The following KCNAB1 variants were observed in gnomAD, a reference collection of about 807,000 sequenced individuals.
KCNAB1 encodes the protein voltage-gated potassium channel subunit beta-1.
Under a neutral mutation model 64.6 loss-of-function variants are expected in KCNAB1, and 35 were observed. The observed-to-expected ratio is 0.54, with a 90% CI of 0.41 to 0.72. The LOEUF is 0.72. KCNAB1 is among the 30% of genes least tolerant of loss of function. KCNAB1 has a pLI of 0.00. For synonymous variants in KCNAB1, 177 were observed against 183.8 expected (o/e 0.96, Z 0.30); for missense variants, 401 against 512.9 (o/e 0.78, Z 2.11).
At chr3:156,535,585 C>A (rs75861595) in intron 13 of KCNAB1, among the ~76,000 whole-genome samples, 19,146 of 152,152 alleles carry the variant, frequency 0.13, 1,280 homozygotes, top group East Asian at 0.26. Context: ...TCCACAGGCA[C>A]TTTACACTCA....
At chr3:156,448,418 A>G (rs1299918820) in intron 2 of KCNAB1, among the ~76,000 whole-genome samples, 2 of 152,190 alleles carry the variant, frequency 1.3e-5, no homozygotes, top group African/African-American at 2.4e-5. Context: ...AGCACAGTGG[A>G]AAATAAAATC....
intron 1 of KCNAB1, among the ~76,000 whole-genome samples, chr3:156,386,466 T>A (rs1340748851): frequency 6.6e-6 from 1 of 152,168 alleles, no homozygotes; most frequent in Non-Finnish European, 1.5e-5. Context: ...GGAAGTTGCA[T>A]CTCTCTGGCA....
chr3:156,209,252 G>T (rs190925925), intron 1 of KCNAB1, among the ~76,000 whole-genome samples: 1 of 152,304 alleles, frequency 6.6e-6, no homozygotes, highest in African/African-American at 2.4e-5. Context: ...TTGAGCTGGA[G>T]TTGGATTAGG....
At chr3:156,174,941 ATTC>A (rs1216096013) in intron 1 of KCNAB1, among the ~76,000 whole-genome samples, 1 of 152,228 alleles carries the variant, frequency 6.6e-6, no homozygotes, top group Non-Finnish European at 1.5e-5. Context: ...TACAAGTGGA[ATTC>A]TTCAGGGAAA....
chr3:156,518,010 A>G lies in KCNAB1; in HGVS notation c.960+1646A>G, dbSNP rs77324953. Reference sequence around the variant, plus strand: ...TTTAAAGGAGGAAGAAGTAGCTATGATGTATTTGGAGTGCATGATTGTCTA... The same window carrying G: ...TTTAAAGGAGGAAGAAGTAGCTATGGTGTATTTGGAGTGCATGATTGTCTA... On this transcript the variant is annotated intron_variant, in intron 11 of 13. Coordinates refer to ENST00000490337, the MANE Select transcript of KCNAB1 (RefSeq NM_172160.3). Among the ~76,000 whole-genome samples, 1,490 of 152,326 alleles carry G rather than the reference A, an allele frequency of 9.8e-3. 14 individuals are homozygous for G. The highest frequency in any genetic ancestry group is 0.015 in the Non-Finnish European group (1,034 of 68,020).
At chr3:156,437,894 C>T (rs1716696855) in intron 2 of KCNAB1, among the ~76,000 whole-genome samples, 2 of 152,188 alleles carry the variant, frequency 1.3e-5, no homozygotes, top group South Asian at 4.1e-4. Context: ...CTTCCTGTCA[C>T]TCCAAGGCTT....
At chr3:156,273,106 C>G (rs1719127536) in intron 1 of KCNAB1, among the ~76,000 whole-genome samples, 1 of 149,322 alleles carries the variant, frequency 6.7e-6, no homozygotes, top group South Asian at 2.2e-4. Flanking sequence ...TCTCTTTACT[C>G]TTCCCTCTCC....
intron 1 of KCNAB1, among the ~76,000 whole-genome samples, chr3:156,353,550 G>A (rs1724996921): frequency 6.6e-6 from 1 of 152,230 alleles, no homozygotes; most frequent in South Asian, 2.1e-4. Flanking sequence ...GCTTAGCTGG[G>A]TCCTCTGGCT....
intron 8 of KCNAB1, among the ~76,000 whole-genome samples, chr3:156,502,865 T>C (rs1385825825): frequency 6.6e-6 from 1 of 152,210 alleles, no homozygotes; most frequent in Non-Finnish European, 1.5e-5. Context: ...TCTAGGAAAG[T>C]TGCACAGTCC....
intron 1 of KCNAB1, among the ~76,000 whole-genome samples, chr3:156,141,624 G>A (rs547595985): frequency 1.2e-4 from 18 of 152,082 alleles, no homozygotes; most frequent in African/African-American, 4.3e-4. Flanking sequence ...TTGCTGAGTG[G>A]TATTTCGTAG....
chr3:156,162,353 A>G (rs1194672215), intron 1 of KCNAB1, among the ~76,000 whole-genome samples: 1 of 152,016 alleles, frequency 6.6e-6, no homozygotes, highest in Non-Finnish European at 1.5e-5. Flanking sequence ...GTTTCTTCCC[A>G]TTTTAGGTAT....
At chr3:156,137,262 C>T (rs1167328968) in intron 1 of KCNAB1, among the ~76,000 whole-genome samples, 2 of 151,134 alleles carry the variant, frequency 1.3e-5, no homozygotes, top group South Asian at 4.2e-4. Context: ...CAGGAGTATA[C>T]AGTAGATAAG....
At chr3:156,334,966 C>G (rs150120604) in intron 1 of KCNAB1, among the ~76,000 whole-genome samples, 2 of 152,330 alleles carry the variant, frequency 1.3e-5, no homozygotes, top group East Asian at 3.9e-4. Context: ...TTCCTTGACT[C>G]CAGCCTTGCC....
intron 1 of KCNAB1, among the ~76,000 whole-genome samples, chr3:156,283,838 T>C (rs1003324016): frequency 1.3e-5 from 2 of 152,110 alleles, no homozygotes; most frequent in Admixed American, 6.5e-5. Flanking sequence ...AGCACTTCTC[T>C]GTATTGTTTA....
intron 1 of KCNAB1, chr3:156,292,068 C>G (rs769692234): frequency 6.2e-7 from 1 of 1,614,166 alleles, no homozygotes; most frequent in Non-Finnish European, 8.5e-7. Flanking sequence ...GGGACGTTCA[C>G]GCCTCAGCAT....
At chr3:156,409,246 C>A (rs1714469294) in intron 1 of KCNAB1, among the ~76,000 whole-genome samples, 1 of 152,180 alleles carries the variant, frequency 6.6e-6, no homozygotes, top group African/African-American at 2.4e-5. Context: ...CCAGTCAAGT[C>A]ATTCAACTCG....
chr3:156,311,364 A>G (rs1387651233), intron 1 of KCNAB1, among the ~76,000 whole-genome samples: 1 of 152,218 alleles, frequency 6.6e-6, no homozygotes, highest in Non-Finnish European at 1.5e-5. Flanking sequence ...TTAAGGCAAG[A>G]GTATGTGTTG....
In KCNAB1 at chr3:156,531,461, T is replaced by C. The variant is rs1247847109; in HGVS notation, c.1134T>C (p.Thr378=). Residue 378 remains threonine, a synonymous_variant, in exon 13 of 14, where the codon ACT becomes ACC. Coordinates refer to ENST00000490337, the MANE Select transcript of KCNAB1 (RefSeq NM_172160.3). The part of the protein sequence containing the change: ...GVSSVLLGSS[T]PEQLIENLGA... ...GTTCTGTGCTCCTGGGATCATCCAC[T>C]CCTGAACAACTCATTGAAAACCTTG... 6.2e-7 allele frequency: 1 copy of C among 1,614,092 alleles called. No homozygotes were observed. Among genetic ancestry groups the C allele is most frequent in the Non-Finnish European group, 8.5e-7 (1 of 1,179,950 alleles).
At chr3:156,147,101 TG>T (rs1715083629) in intron 1 of KCNAB1, among the ~76,000 whole-genome samples, 2 of 152,130 alleles carry the variant, frequency 1.3e-5, no homozygotes, top group South Asian at 4.2e-4. Flanking sequence ...GAGCCTGGGG[TG>T]AGGGACCATG....
Sources: gnomAD v4.1 joint callset for allele counts (sites outside exome capture counted in the v4.1 genomes callset) on GRCh38, gnomAD v4.1.1 for gene constraint, MANE v1.5 for transcripts, NCBI Gene and HGNC (gene_info 2026-07-23, HGNC 2026-07-21) for gene names.